The following KIAA1549L variants were observed in gnomAD, a reference collection of about 807,000 sequenced individuals.
The protein encoded by KIAA1549L is KIAA1549 like.
KIAA1549L carries 88 observed loss-of-function variants against 160.7 expected under a neutral mutation model. The observed-to-expected ratio is 0.55, with a 90% CI of 0.46 to 0.65. The LOEUF (loss-of-function observed/expected upper bound fraction) is 0.65, where lower values mean the gene tolerates loss of function less well. Ranked by LOEUF, KIAA1549L falls within the 30% of genes least tolerant of loss-of-function variation. The pLI is 0.00. For synonymous variants in KIAA1549L, 950 were observed against 976.7 expected, an observed-to-expected ratio of 0.97 and a Z score of 0.51; for missense variants, 2,258 against 2,437.5, an observed-to-expected ratio of 0.93 and a Z score of 1.55.
chr11:33,441,481 C>T (rs1056792259), intron 1 of KIAA1549L, among the ~76,000 whole-genome samples: 3 of 107,356 alleles, frequency 2.8e-5, no homozygotes, highest in African/African-American at 7.9e-5. Context: ...TTCTAGATCC[C>T]TGAGGAATCG....
chr11:33,537,335 C>T (rs1853916948), intron 1 of KIAA1549L, among the ~76,000 whole-genome samples: 1 of 152,138 alleles, frequency 6.6e-6, no homozygotes, highest in Admixed American at 6.5e-5. Flanking sequence ...TCCATATCTC[C>T]CATAGAACTG....
chr11:33,590,031 A>G (rs1850002251), intron 11 of KIAA1549L, among the ~76,000 whole-genome samples: 1 of 152,186 alleles, frequency 6.6e-6, no homozygotes, highest in Non-Finnish European at 1.5e-5. Context: ...TTTCACCTGG[A>G]CTATGATTTA....
intron 1 of KIAA1549L, among the ~76,000 whole-genome samples, chr11:33,409,676 T>G (rs1319900192): frequency 6.6e-6 from 1 of 152,196 alleles, no homozygotes; most frequent in Non-Finnish European, 1.5e-5. Flanking sequence ...AACACCCTTT[T>G]GAATGACTTC....
intron 15 of KIAA1549L, among the ~76,000 whole-genome samples, chr11:33,615,179 AG>A (rs2133342716): frequency 6.6e-6 from 1 of 152,280 alleles, no homozygotes; most frequent in Admixed American, 6.5e-5. Context: ...ACCTGCTTCT[AG>A]GGAACCCCAC....
Position 33,547,864 on chromosome 11 carries a change from C to T in KIAA1549L, c.3486C>T (p.Asn1162=), listed in dbSNP as rs1208557307. The change falls in exon 4 of 21, where the codon AAC becomes AAT. Residue 1162 remains asparagine (N), a synonymous_variant. Coordinates refer to ENST00000658780, the MANE Select transcript of KIAA1549L (RefSeq NM_012194.3). ...CATTGCGGAAGGCTTTCCACCAGAACGATGTCTCAGCTCACGTAAGTGCTT... is the reference window on the plus strand; with the variant it reads ...CATTGCGGAAGGCTTTCCACCAGAATGATGTCTCAGCTCACGTAAGTGCTT... ...TQALRKAFHQ[N]DVSAHVDILE... 4 of 1,611,304 alleles carry T rather than the reference C, an allele frequency of 2.5e-6. No homozygotes were observed. Among genetic ancestry groups the T allele is most frequent in the Admixed American group, 1.7e-5 (1 of 59,912 alleles).
At chr11:33,434,755 G>A (rs536547555) in intron 1 of KIAA1549L, among the ~76,000 whole-genome samples, 3 of 152,290 alleles carry the variant, frequency 2.0e-5, no homozygotes, top group Admixed American at 2.0e-4. Context: ...TTGTAGGAGG[G>A]GCCAAATGTA....
rs1468529678 is a variant in KIAA1549L, at chr11:33,669,879, ATAGTGT to A, written c.*1733_*1738del. ...CTTTTAGTATGCTGGTTGATCTTTC[ATAGTGT>A]TAGTGTTTTGTTACTTAAAAAGGAA... On this transcript the variant is annotated 3_prime_UTR_variant, in exon 21 of 21. Transcript: ENST00000658780. 2 of 152,200 alleles carry A rather than the reference ATAGTGT, an allele frequency of 1.3e-5. No individual in the cohort carries two copies. Among genetic ancestry groups the A allele is most frequent in the African/African-American group, 4.8e-5 (2 of 41,448 alleles). The allele number at this position is 152,200 out of a possible 1,614,324, so 9.4% of individuals were successfully genotyped here.
At chr11:33,518,138 C>CA (rs560876643) in intron 1 of KIAA1549L, among the ~76,000 whole-genome samples, 946 of 59,372 alleles carry the variant, frequency 0.016, 89 homozygotes, top group African/African-American at 0.038. Context: ...GACTCTGTCT[C>CA]AAAAAAAAAA....
intron 1 of KIAA1549L, among the ~76,000 whole-genome samples, chr11:33,485,448 A>G (rs1448419208): frequency 2.0e-5 from 3 of 152,188 alleles, no homozygotes; most frequent in Admixed American, 6.5e-5. Context: ...AGTGATTTTC[A>G]TGACAAAAGT....
intron 1 of KIAA1549L, among the ~76,000 whole-genome samples, chr11:33,427,874 A>G (rs1166187356): frequency 2.0e-5 from 3 of 152,258 alleles, no homozygotes; most frequent in Non-Finnish European, 4.4e-5. Flanking sequence ...AATTAGAGCC[A>G]TACAATATGT....
At chr11:33,440,288 C>T (rs1415948986) in intron 1 of KIAA1549L, among the ~76,000 whole-genome samples, 2 of 150,522 alleles carry the variant, frequency 1.3e-5, no homozygotes, top group East Asian at 1.9e-4. Context: ...CGCCACTACG[C>T]CCGGCTAATT....
At chr11:33,448,797 C>A (rs954244217) in intron 1 of KIAA1549L, among the ~76,000 whole-genome samples, 33 of 152,314 alleles carry the variant, frequency 2.2e-4, no homozygotes, top group African/African-American at 7.5e-4. Flanking sequence ...AATACCTCCT[C>A]AGTAGCATCC....
chr11:33,585,453 G>T (rs1855782184), intron 11 of KIAA1549L, among the ~76,000 whole-genome samples: 1 of 152,108 alleles, frequency 6.6e-6, no homozygotes, highest in Admixed American at 6.5e-5. Context: ...GGGAGGCAGA[G>T]GTTGCAGTGA....
chr11:33,515,256 C>T (rs1853318508), intron 1 of KIAA1549L, among the ~76,000 whole-genome samples: 1 of 152,226 alleles, frequency 6.6e-6, no homozygotes. Context: ...TCTCTTCCCC[C>T]TACAGCTCCT....
At chr11:33,404,535 CAAACA>C (rs1439303303) in intron 1 of KIAA1549L, among the ~76,000 whole-genome samples, 1 of 150,114 alleles carries the variant, frequency 6.7e-6, no homozygotes, top group Non-Finnish European at 1.5e-5. Context: ...TCAAAACAAA[CAAACA>C]AAACAAAACA....
intron 1 of KIAA1549L, among the ~76,000 whole-genome samples, chr11:33,475,903 G>GC (rs916513432): frequency 3.3e-5 from 5 of 151,920 alleles, no homozygotes; most frequent in African/African-American, 4.8e-5. Flanking sequence ...TCTCCCGCCT[G>GC]CCCCCCACCC....
rs530749620 is a variant in KIAA1549L at position 33,512,466 on chromosome 11, A to G, written c.239-29336A>G. ...GAGACAGGGTCTCACTCTGTTGCCC[A>G]GACTGGAGTGCCGTGGTGCAATCTC... On this transcript the variant is annotated intron_variant, in intron 1 of 20. Transcript: ENST00000658780. Among the ~76,000 whole-genome samples the G allele has an allele frequency of 3.3e-5, 5 of 152,330 alleles. No individual in the cohort carries two copies. The South Asian group carries it at 1.0e-3, about 32-fold the overall frequency.
chr11:33,657,925 T>C (rs1852123517), intron 18 of KIAA1549L, among the ~76,000 whole-genome samples: 1 of 152,224 alleles, frequency 6.6e-6, no homozygotes, highest in Non-Finnish European at 1.5e-5. Context: ...GGTGGCCCTG[T>C]GGGGGGCCAG....
At chr11:33,528,260 T>C (rs1853659725) in intron 1 of KIAA1549L, among the ~76,000 whole-genome samples, 1 of 152,090 alleles carries the variant, frequency 6.6e-6, no homozygotes, top group Non-Finnish European at 1.5e-5. Context: ...AGAATGCACA[T>C]CAAAACCACA....
Sources: gnomAD v4.1 joint callset for allele counts (sites outside exome capture counted in the v4.1 genomes callset) on GRCh38, gnomAD v4.1.1 for gene constraint, MANE v1.5 for transcripts, NCBI Gene and HGNC (gene_info 2026-07-23, HGNC 2026-07-21) for gene names.